The following MGAT4C variants were observed in gnomAD, a reference collection of about 807,000 sequenced individuals.
The protein encoded by MGAT4C is MGAT4 family member C, also known as alpha-1,3-mannosyl-glycoprotein 4-beta-N-acetylglucosaminyltransferase C.
Under a neutral mutation model 40.1 loss-of-function variants are expected in MGAT4C, and 19 were observed. The ratio of observed to expected loss-of-function variants is 0.47; its 90% CI spans 0.33 to 0.70. The LOEUF is 0.70. MGAT4C is among the 30% of genes least tolerant of loss of function. The pLI, the probability that MGAT4C is intolerant of heterozygous loss-of-function variation, is 0.02. For synonymous variants in MGAT4C, 181 were observed against 187.1 expected (o/e 0.97, Z 0.27); for missense variants, 491 against 563.2 (o/e 0.87, Z 1.30).
chr12:86,146,739 A>C (rs1403153752), intron 1 of MGAT4C, among the ~76,000 whole-genome samples: 1 of 152,032 alleles, frequency 6.6e-6, no homozygotes, highest in African/African-American at 2.4e-5. Flanking sequence ...TAATCAGCAA[A>C]ATGTAAAGTT....
At chr12:86,204,430 A>G (rs916683554) in intron 1 of MGAT4C, among the ~76,000 whole-genome samples, 9 of 152,282 alleles carry the variant, frequency 5.9e-5, no homozygotes, top group African/African-American at 1.9e-4. Context: ...TATAGAGATA[A>G]ATGATGTTAA....
intron 1 of MGAT4C, among the ~76,000 whole-genome samples, chr12:86,230,433 G>C (rs1951266460): frequency 6.6e-6 from 1 of 152,068 alleles, no homozygotes; most frequent in African/African-American, 2.4e-5. Context: ...AAGTCAAATA[G>C]GTTTTGACCT....
intron 3 of MGAT4C, among the ~76,000 whole-genome samples, chr12:86,433,901 C>A (rs1347447874): frequency 6.6e-6 from 1 of 151,974 alleles, no homozygotes; most frequent in African/African-American, 2.4e-5. Flanking sequence ...CTCATTAAAT[C>A]TATACAGATG....
chr12:86,322,256 G>A (rs1413336468), intron 4 of MGAT4C, among the ~76,000 whole-genome samples: 1 of 150,444 alleles, frequency 6.6e-6, no homozygotes, highest in African/African-American at 2.4e-5. Flanking sequence ...AGAGCATTAG[G>A]AGATATACCT....
At chr12:86,339,710 T>G (rs1311123980) in intron 3 of MGAT4C, among the ~76,000 whole-genome samples, 1 of 152,046 alleles carries the variant, frequency 6.6e-6, no homozygotes, top group Non-Finnish European at 1.5e-5. Context: ...TATTCTATCT[T>G]ATAGTATATA....
chr12:86,403,241 T>G (rs1027194944), intron 3 of MGAT4C, among the ~76,000 whole-genome samples: 7 of 152,178 alleles, frequency 4.6e-5, no homozygotes, highest in Admixed American at 4.6e-4. Flanking sequence ...TTATTTCCCA[T>G]AACCTGCCCT....
intron 1 of MGAT4C, among the ~76,000 whole-genome samples, chr12:86,190,952 T>TTCCAG (rs1263599852): frequency 6.6e-6 from 1 of 152,054 alleles, no homozygotes; most frequent in Non-Finnish European, 1.5e-5. Context: ...ATTTCCCAGT[T>TTCCAG]TCCAGACTGC....
intron 2 of MGAT4C, among the ~76,000 whole-genome samples, chr12:86,659,466 ACTTGTGTAGT>A (rs1433810048): frequency 6.6e-6 from 1 of 152,256 alleles, no homozygotes; most frequent in East Asian, 1.9e-4. Flanking sequence ...AGCTTACTGC[ACTTGTGTAGT>A]CTTGATCCAA....
rs565477640 is a variant in MGAT4C at position 86,586,731 on chromosome 12, T to C, written c.-229+140478A>G. Among the ~76,000 whole-genome samples, 381 of 151,172 alleles carry C rather than the reference T, an allele frequency of 2.5e-3. 1 individual carries two copies. Among genetic ancestry groups the C allele is most frequent in the African/African-American group, 9.1e-3 (374 of 41,310 alleles). On this transcript the variant is annotated intron_variant, in intron 2 of 7. Coordinates refer to the MGAT4C transcript ENST00000548651. Reference sequence around the variant, plus strand: ...GGTGAGCATTTTTTCATGTGTTGTTTGGCTGCATAAATGTCTTCTTTTGAG... The same window carrying C: ...GGTGAGCATTTTTTCATGTGTTGTTCGGCTGCATAAATGTCTTCTTTTGAG...
At position 86,015,116 on chromosome 12, in the gene MGAT4C, C is replaced by A. The variant is rs73187674; in HGVS notation, c.-6-25564G>T. ...GAGCCACCACACCCGGCCTCTGTGT[C>A]CTACTTCTGTTTTTTCACTTCTGAG... On this transcript the variant is annotated intron_variant, in intron 2 of 4. Coordinates refer to ENST00000611864, the MANE Select transcript of MGAT4C (RefSeq NM_001351288.2). Among the ~76,000 whole-genome samples the A allele has an allele frequency of 8.1e-3, 1,220 of 151,274 alleles. 8 individuals carry two copies. The highest frequency in any genetic ancestry group is 0.015 in the South Asian group (71 of 4,782).
intron 1 of MGAT4C, among the ~76,000 whole-genome samples, chr12:86,770,023 TAAAAA>T (rs201657827): frequency 0.031 from 4,662 of 151,906 alleles, 94 homozygotes; most frequent in Middle Eastern, 0.044. Context: ...AATAATAAAA[TAAAAA>T]AAGAATGACA....
intron 3 of MGAT4C, among the ~76,000 whole-genome samples, chr12:86,398,220 G>A (rs113465377): frequency 6.6e-6 from 1 of 152,172 alleles, no homozygotes; most frequent in Non-Finnish European, 1.5e-5. Flanking sequence ...AGCAGAGGCT[G>A]TAGGGAAGAA....
intron 2 of MGAT4C, among the ~76,000 whole-genome samples, chr12:86,032,411 C>T (rs1890843826): frequency 6.7e-6 from 1 of 150,264 alleles, no homozygotes. Context: ...TTCTCTGCAA[C>T]CTTGCCAGCA....
chr12:86,705,527 T>A (rs899500417), intron 2 of MGAT4C, among the ~76,000 whole-genome samples: 2 of 151,808 alleles, frequency 1.3e-5, no homozygotes, highest in Admixed American at 6.6e-5. Flanking sequence ...AAAAAATGGA[T>A]CCCAGGTAAA....
In MGAT4C at chr12:86,333,728, G is replaced by T. The variant is rs117131944; in HGVS notation, c.-57+337C>A. On this transcript the variant is annotated intron_variant, in intron 4 of 7. Coordinates refer to the MGAT4C transcript ENST00000548651. ...GATTTTTAAATTATGTTAAAAAAAG[G>T]CATGGAAAATGTTTATTTGTGAGGG... Among the ~76,000 whole-genome samples, 1,195 of 152,192 alleles carry T rather than the reference G, an allele frequency of 7.9e-3. 7 individuals carry two copies. The highest frequency in any genetic ancestry group is 0.025 in the South Asian group (119 of 4,828).
At chr12:86,726,490 T>G in intron 2 of MGAT4C, among the ~76,000 whole-genome samples, 1 of 152,204 alleles carries the variant, frequency 6.6e-6, no homozygotes, top group East Asian at 1.9e-4. Context: ...TCTATTCACA[T>G]TAAGCAAAAA....
At chr12:86,510,484 A>T (rs559623301) in intron 2 of MGAT4C, among the ~76,000 whole-genome samples, 1 of 152,318 alleles carries the variant, frequency 6.6e-6, no homozygotes, top group African/African-American at 2.4e-5. Flanking sequence ...AAATTCACAC[A>T]TAACAATATT....
At chr12:86,833,248 G>C (rs968203134) in intron 1 of MGAT4C, among the ~76,000 whole-genome samples, 3 of 151,726 alleles carry the variant, frequency 2.0e-5, no homozygotes, top group African/African-American at 7.3e-5. Flanking sequence ...GCCAAATTTG[G>C]CCTAAGAATA....
At chr12:86,140,655 A>T (rs988860578) in intron 1 of MGAT4C, among the ~76,000 whole-genome samples, 1 of 152,036 alleles carries the variant, frequency 6.6e-6, no homozygotes, top group Admixed American at 6.6e-5. Flanking sequence ...AAGTATAATA[A>T]AAATAAAATA....
Sources: gnomAD v4.1 joint callset for allele counts (sites outside exome capture counted in the v4.1 genomes callset) on GRCh38, gnomAD v4.1.1 for gene constraint, MANE v1.5 for transcripts, NCBI Gene and HGNC (gene_info 2026-07-23, HGNC 2026-07-21) for gene names.